Variants in GINS1 observed in about 807,000 individuals in gnomAD.
GINS1 encodes DNA replication complex GINS protein PSF1.
A neutral mutation model predicts 34.9 loss-of-function variants in GINS1; 26 were observed. That is an observed-to-expected ratio of 0.74 (90% CI 0.55 to 1.03). The LOEUF is 1.03. Among genes scored for constraint, GINS1 ranks in the 50% least tolerant of loss-of-function variants. GINS1 has a pLI of 0.00. For synonymous variants in GINS1, 97 were observed against 84.4 expected (o/e 1.15, Z -0.82); for missense variants, 235 against 237.9 (o/e 0.99, Z 0.08).
chr20:25,443,990 A>ATCTATCTATCTG, intron 6 of GINS1, among the ~76,000 whole-genome samples: 1 of 151,358 alleles, frequency 6.6e-6, no homozygotes, highest in South Asian at 2.1e-4. Context: ...TTATCTATCT[A>ATCTATCTATCTG]TCTATCTATC....
chr20:25,442,545 C>T (rs1386991751), intron 6 of GINS1, among the ~76,000 whole-genome samples: 1 of 151,738 alleles, frequency 6.6e-6, no homozygotes, highest in Admixed American at 6.6e-5. Context: ...AATTATTTCC[C>T]TAGAAATCTT....
At chr20:25,442,336 CTA>C in intron 6 of GINS1, among the ~76,000 whole-genome samples, 1 of 130,420 alleles carries the variant, frequency 7.7e-6, no homozygotes, top group East Asian at 4.5e-4. Flanking sequence ...ATCTATCTAT[CTA>C]TCTGTCTGTC....
rs1221812548 is a variant in GINS1, at chr20:25,420,787, AAAAAAAAAAG to A, written c.330+2600_330+2609del. 121 of 858,844 alleles carry A rather than the reference AAAAAAAAAAG, an allele frequency of 1.4e-4. 2 individuals are homozygous for A. In the African/African-American group the frequency reaches 2.1e-3, roughly 15 times the overall value. 53.2% of individuals were successfully genotyped at this position (858,844 alleles called of 1,614,324 possible). A position where few individuals can be genotyped will look rare whatever the true frequency, so the allele number is the denominator to read the frequency against. On this transcript the variant is annotated intron_variant, in intron 4 of 6. Transcript: ENST00000262460. ...AGAGAGTGAGACCCTGTCTCAAAAA[AAAAAAAAAAG>A]AAAAAAAGAAAAAGAATAAAAGGAA...
rs530228385 is a variant in GINS1 at position 25,429,617 on chromosome 20, T to G, written c.447+4290T>G. ...TATTTTCATAATTTTTATTTTCAGA[T>G]TGTTCGTTGTTAGTGTATAGAAATG... is the stretch of plus-strand genomic sequence containing the variant. On this transcript the variant is annotated intron_variant, in intron 5 of 6. Coordinates refer to ENST00000262460, the MANE Select transcript of GINS1 (RefSeq NM_021067.5). Among the ~76,000 whole-genome samples, 9 of 152,330 alleles carry G rather than the reference T, an allele frequency of 5.9e-5. No individual in the cohort carries two copies. The East Asian group carries it at 1.3e-3, about 23-fold the overall frequency.
At chr20:25,409,076 G>A (rs571212097) in intron 1 of GINS1, 2 of 974,940 alleles carry the variant, frequency 2.1e-6, no homozygotes, top group South Asian at 4.7e-5. Flanking sequence ...TGAGAAGGAA[G>A]CGAGGCATCC....
chr20:25,423,505 G>C (rs1277113770), intron 4 of GINS1, among the ~76,000 whole-genome samples: 1 of 104,350 alleles, frequency 9.6e-6, no homozygotes, highest in Non-Finnish European at 1.7e-5. Flanking sequence ...ATCTCACTCT[G>C]TCGCCCAGGC....
intron 6 of GINS1, among the ~76,000 whole-genome samples, chr20:25,445,271 C>T (rs1225233102): frequency 1.3e-5 from 2 of 151,988 alleles, no homozygotes; most frequent in Admixed American, 6.6e-5. Flanking sequence ...CTCGGCTCAC[C>T]CCCAGGTTCA....
At chr20:25,420,144 A>G (rs188455172) in intron 4 of GINS1, among the ~76,000 whole-genome samples, 138 of 150,594 alleles carry the variant, frequency 9.2e-4, no homozygotes, top group African/African-American at 3.2e-3. Flanking sequence ...ATATATATAT[A>G]TTTTTTTGAG....
intron 5 of GINS1, among the ~76,000 whole-genome samples, chr20:25,428,994 T>C (rs2090411141): frequency 8.5e-5 from 1 of 11,800 alleles, no homozygotes; most frequent in African/African-American, 2.6e-4. Context: ...TTTTTTTTTT[T>C]TTTTTTTTTT....
At chr20:25,444,639 AT>A (rs756049681) in intron 6 of GINS1, among the ~76,000 whole-genome samples, 1 of 152,144 alleles carries the variant, frequency 6.6e-6, no homozygotes, top group Non-Finnish European at 1.5e-5. Context: ...CCACCTATGA[AT>A]TGAAAAGCCT....
At chr20:25,420,326 G>T (rs1212233112) in intron 4 of GINS1, among the ~76,000 whole-genome samples, 4 of 151,458 alleles carry the variant, frequency 2.6e-5, no homozygotes, top group Non-Finnish European at 5.9e-5. Context: ...TAGAGACGGG[G>T]TTTCACTGTA....
chr20:25,426,929 T>A (rs2146208020), intron 5 of GINS1, among the ~76,000 whole-genome samples: 1 of 152,278 alleles, frequency 6.6e-6, no homozygotes, highest in African/African-American at 2.4e-5. Context: ...GCTTCTTTAT[T>A]TTAGCTATCA....
rs2090523885 is a variant in GINS1 at position 25,448,281 on chromosome 20, G to A, written c.*2290G>A. The A allele has an allele frequency of 6.6e-6, 1 of 152,098 alleles. No individual in the cohort carries two copies. Among genetic ancestry groups the A allele is most frequent in the African/African-American group, 2.4e-5 (1 of 41,412 alleles). 9.4% of individuals were successfully genotyped at this position (152,098 alleles called of 1,614,324 possible). A position where few individuals can be genotyped will look rare whatever the true frequency, so the allele number is the denominator to read the frequency against. On this transcript the variant is annotated 3_prime_UTR_variant, in exon 7 of 7. Coordinates refer to ENST00000262460, the MANE Select transcript of GINS1 (RefSeq NM_021067.5). ...ATTGAGTCTTCTGGCCTATAAACAA[G>A]GTCTGTCTTCCTAGGTATTAATGTT...
chr20:25,422,979 G>C (rs899898829), intron 4 of GINS1, among the ~76,000 whole-genome samples: 2 of 151,982 alleles, frequency 1.3e-5, no homozygotes, highest in African/African-American at 4.8e-5. Context: ...GTTTCTCCAT[G>C]TTGGTCAGGC....
intron 2 of GINS1, 26 bp from the exon 3 acceptor site, chr20:25,417,078 T>G (rs1305342066): frequency 9.6e-7 from 1 of 1,037,394 alleles, no homozygotes; most frequent in Admixed American, 2.0e-5. Flanking sequence ...GTACATATTT[T>G]TTTTCTTTTT....
In GINS1 at chr20:25,410,388, G is replaced by C. The variant is rs1482703340; in HGVS notation, c.75+2493G>C. Reference sequence around the variant, plus strand: ...ATCACTGTCTTGTAGGTCTTAATTTGGTGGAGCACCTTTTGTCTCACTAGT... The same window carrying C: ...ATCACTGTCTTGTAGGTCTTAATTTCGTGGAGCACCTTTTGTCTCACTAGT... On this transcript the variant is annotated intron_variant, in intron 1 of 6. Coordinates refer to ENST00000262460, the MANE Select transcript of GINS1 (RefSeq NM_021067.5). 4.6e-5 allele frequency among the ~76,000 whole-genome samples: 7 copies of C among 151,730 alleles called. 1 individual carries two copies. The South Asian group carries it at 1.5e-3, about 32-fold the overall frequency.
intron 4 of GINS1, among the ~76,000 whole-genome samples, chr20:25,424,364 A>G (rs1363804476): frequency 1.3e-5 from 2 of 152,240 alleles, no homozygotes; most frequent in African/African-American, 4.8e-5. Context: ...TTGAATCTAT[A>G]GATTGTTGAC....
chr20:25,417,265 C>G, intron 3 of GINS1, 63 bp downstream of exon 3: 3 of 778,460 alleles, frequency 3.9e-6, no homozygotes, highest in South Asian at 1.5e-5. Context: ...AGTTGACCAT[C>G]TCAAATGGGT....
intron 5 of GINS1, among the ~76,000 whole-genome samples, chr20:25,429,245 C>T (rs990438651): frequency 6.6e-6 from 1 of 152,068 alleles, no homozygotes; most frequent in Non-Finnish European, 1.5e-5. Context: ...CCACCTCAGC[C>T]TCCCAGAGTG....
Sources: allele counts gnomAD v4.1 joint callset (sites outside exome capture counted in the v4.1 genomes callset), GRCh38; gene constraint gnomAD v4.1.1; transcripts MANE v1.5; gene names NCBI Gene and HGNC (gene_info 2026-07-23, HGNC 2026-07-21).